The following STK32B variants were observed in gnomAD, a reference collection of about 807,000 sequenced individuals.
The protein encoded by STK32B is serine/threonine-protein kinase 32B.
In STK32B, 43 loss-of-function variants were observed where a neutral mutation model predicts 52.6. The observed-to-expected ratio is 0.82, with a 90% CI of 0.64 to 1.05. The LOEUF (loss-of-function observed/expected upper bound fraction) is 1.05, where lower values mean the gene tolerates loss of function less well. STK32B is among the 50% of genes least tolerant of loss of function. The pLI is 0.00. For synonymous variants in STK32B, 238 were observed against 204.3 expected (o/e 1.17, Z -1.41); for missense variants, 621 against 534.6 (o/e 1.16, Z -1.59).
intron 3 of STK32B, among the ~76,000 whole-genome samples, chr4:5,198,550 TG>T (rs1270319989): frequency 6.6e-6 from 1 of 152,182 alleles, no homozygotes; most frequent in Non-Finnish European, 1.5e-5. Context: ...CTTCGCCATC[TG>T]GGGGAGTTGG....
chr4:5,111,428 A>G (rs879607281), intron 1 of STK32B, among the ~76,000 whole-genome samples: 1 of 152,184 alleles, frequency 6.6e-6, no homozygotes, highest in Non-Finnish European at 1.5e-5. Context: ...GGAATAGTAT[A>G]CAGCCATAAA....
chr4:5,304,012 T>C (rs1009065509), intron 3 of STK32B, among the ~76,000 whole-genome samples: 4 of 152,106 alleles, frequency 2.6e-5, no homozygotes, highest in African/African-American at 9.7e-5. Flanking sequence ...ATTTTTGAGT[T>C]CTCTATTCTG....
intron 3 of STK32B, among the ~76,000 whole-genome samples, chr4:5,231,743 G>A (rs1361460268): frequency 1.3e-5 from 2 of 152,204 alleles, no homozygotes; most frequent in Non-Finnish European, 2.9e-5. Context: ...GAGGACCGAT[G>A]GTCAGGGAGG....
chr4:5,144,757 G>C (rs577721905), intron 2 of STK32B, among the ~76,000 whole-genome samples: 3 of 150,978 alleles, frequency 2.0e-5, no homozygotes, highest in East Asian at 2.0e-4. Context: ...AGGCAGCTTA[G>C]GTTCATTTGT....
intron 4 of STK32B, among the ~76,000 whole-genome samples, chr4:5,339,079 C>T (rs1277566915): frequency 6.6e-6 from 1 of 152,182 alleles, no homozygotes; most frequent in Non-Finnish European, 1.5e-5. Context: ...AATTATCCAT[C>T]TTCTCCTGTC....
intron 3 of STK32B, among the ~76,000 whole-genome samples, chr4:5,208,751 A>G (rs752767962): frequency 6.6e-6 from 1 of 152,114 alleles, no homozygotes; most frequent in African/African-American, 2.4e-5. Flanking sequence ...GAATTCAATG[A>G]TCGCCCCATG....
chr4:5,073,325 A>G (rs190017431), intron 1 of STK32B, among the ~76,000 whole-genome samples: 4 of 152,142 alleles, frequency 2.6e-5, no homozygotes, highest in Non-Finnish European at 5.9e-5. Flanking sequence ...ATAGGGATTT[A>G]CAATATACAT....
chr4:5,077,333 G>T (rs1016579337), intron 1 of STK32B, among the ~76,000 whole-genome samples: 3 of 151,956 alleles, frequency 2.0e-5, no homozygotes, highest in Non-Finnish European at 4.4e-5. Flanking sequence ...TCCTTTTACA[G>T]TCCAACCCTC....
At chr4:5,133,911 A>G (rs1281613702) in intron 1 of STK32B, among the ~76,000 whole-genome samples, 1 of 152,208 alleles carries the variant, frequency 6.6e-6, no homozygotes, top group Non-Finnish European at 1.5e-5. Flanking sequence ...CTTGGAAGTT[A>G]ACTTACGTCC....
At chr4:5,422,012 G>A (rs1560398146) in intron 6 of STK32B, among the ~76,000 whole-genome samples, 1 of 152,264 alleles carries the variant, frequency 6.6e-6, no homozygotes, top group Admixed American at 6.5e-5. Context: ...TTATAAAGAC[G>A]ACTTTCTCAG....
chr4:5,240,197 C>T (rs915635832), intron 3 of STK32B, among the ~76,000 whole-genome samples: 3 of 151,848 alleles, frequency 2.0e-5, no homozygotes, highest in Non-Finnish European at 2.9e-5. Context: ...TTACTCATCT[C>T]TTCAAATAGT....
intron 6 of STK32B, among the ~76,000 whole-genome samples, chr4:5,418,768 A>G (rs1712375080): frequency 6.6e-6 from 1 of 152,236 alleles, no homozygotes; most frequent in African/African-American, 2.4e-5. Context: ...GTGCCTTATA[A>G]GGCACTGTAT....
intron 6 of STK32B, among the ~76,000 whole-genome samples, chr4:5,435,021 G>C (rs1002157445): frequency 6.6e-6 from 1 of 152,122 alleles, no homozygotes; most frequent in Non-Finnish European, 1.5e-5. Context: ...GTGGGCCTCA[G>C]CTTCTTCATC....
At chr4:5,255,670 A>C (rs1245441304) in intron 3 of STK32B, among the ~76,000 whole-genome samples, 1 of 152,168 alleles carries the variant, frequency 6.6e-6, no homozygotes, top group African/African-American at 2.4e-5. Flanking sequence ...GAATGGAATC[A>C]TATAATAAAT....
chr4:5,393,108 C>A (rs536675644), intron 4 of STK32B, among the ~76,000 whole-genome samples: 1 of 152,292 alleles, frequency 6.6e-6, no homozygotes, highest in East Asian at 1.9e-4. Context: ...GGTGCCAAGT[C>A]CCATTCAAGT....
At chr4:5,274,299 A>T (rs1430908378) in intron 3 of STK32B, among the ~76,000 whole-genome samples, 1 of 152,214 alleles carries the variant, frequency 6.6e-6, no homozygotes, top group Non-Finnish European at 1.5e-5. Flanking sequence ...AGATCAATAG[A>T]ACAGAATTTT....
At chr4:5,317,051 A>AATATATATGATATAATATATTATATATT (rs1730998677) in intron 3 of STK32B, among the ~76,000 whole-genome samples, 1 of 35,888 alleles carries the variant, frequency 2.8e-5, no homozygotes, top group Non-Finnish European at 4.0e-5. Flanking sequence ...TTATATATAT[A>AATATATATGATATAATATATTATATATT]ATATATATGA....
chr4:5,415,955 T>A (rs1712128157), intron 5 of STK32B, among the ~76,000 whole-genome samples: 1 of 152,200 alleles, frequency 6.6e-6, no homozygotes, highest in South Asian at 2.1e-4. Context: ...CATCTATGCA[T>A]TTAAGTCCCA....
intron 3 of STK32B, among the ~76,000 whole-genome samples, chr4:5,307,698 G>A (rs561684276): frequency 6.6e-6 from 1 of 152,058 alleles, no homozygotes; most frequent in East Asian, 1.9e-4. Flanking sequence ...AGAGAACCTT[G>A]TTTTGTCATA....
Sources: gnomAD v4.1 joint callset for allele counts (sites outside exome capture counted in the v4.1 genomes callset) on GRCh38, gnomAD v4.1.1 for gene constraint, MANE v1.5 for transcripts, NCBI Gene and HGNC (gene_info 2026-07-23, HGNC 2026-07-21) for gene names.